Variants in NPC2 observed in about 807,000 individuals in gnomAD.
NPC2 encodes the protein NPC intracellular cholesterol transporter 2, also known as Niemann-Pick disease type C2 protein.
NPC2 carries 14 observed loss-of-function variants against 17.0 expected under a neutral mutation model. The observed-to-expected ratio is 0.82, with a 90% confidence interval of 0.54 to 1.29. The LOEUF is 1.29. Ranked by LOEUF, NPC2 falls within the 50% of genes most tolerant of loss-of-function variation. The probability of loss-of-function intolerance (pLI) is 0.00; values close to 1 mark genes in which losing one functional copy is unlikely to be tolerated. For synonymous variants in NPC2, 75 were observed against 69.3 expected (o/e 1.08, Z -0.41); for missense variants, 167 against 183.4 (o/e 0.91, Z 0.52).
intron 3 of NPC2, chr14:74,483,502 G>C (rs1490486915): frequency 6.4e-7 from 1 of 1,553,906 alleles, no homozygotes; most frequent in Admixed American, 1.8e-5. Context: ...CATGTCTGCT[G>C]CTCTAGGCCC....
chr14:74,488,244 C>A (rs769621668), intron 1 of NPC2, among the ~76,000 whole-genome samples: 1 of 152,204 alleles, frequency 6.6e-6, no homozygotes, highest in Non-Finnish European at 1.5e-5. Context: ...TATCTTCTAT[C>A]CAGATTTTGT....
chr14:74,485,408 A>G (rs2086702278), intron 2 of NPC2, among the ~76,000 whole-genome samples: 1 of 151,186 alleles, frequency 6.6e-6, no homozygotes, highest in South Asian at 2.1e-4. Flanking sequence ...GAATAAAGGT[A>G]TTAAAAAATG....
rs975711020 is a variant in NPC2, at chr14:74,486,554, C to G, written c.83-118G>C. On this transcript the variant is annotated intron_variant, in intron 1 of 4. Coordinates refer to ENST00000555619, the MANE Select transcript of NPC2 (RefSeq NM_006432.5). ...CCATTTAGGGTCAACTCATTCTCCTCGGACTGTTTCCCAGGATGGAATCTT... is the reference window on the plus strand; with the variant it reads ...CCATTTAGGGTCAACTCATTCTCCTGGGACTGTTTCCCAGGATGGAATCTT... The G allele has an allele frequency of 1.3e-5, 10 of 768,298 alleles. No homozygotes were observed. The African/African-American group carries it at 1.5e-4, about 12-fold the overall frequency. The allele number at this position is 768,298 out of a possible 1,614,324, so 47.6% of individuals were successfully genotyped here. A position where few individuals can be genotyped will look rare whatever the true frequency, so the allele number is the denominator to read the frequency against.
chr14:74,480,164 A>G lies in NPC2; in HGVS notation c.*110T>C, dbSNP rs754382232. On this transcript the variant is annotated 3_prime_UTR_variant, in exon 5 of 5. Coordinates refer to ENST00000555619, the MANE Select transcript of NPC2 (RefSeq NM_006432.5). Reference sequence around the variant, plus strand: ...CAGAGCACCTCCTCTTCAACGAATCACTGGATACCATTGGAGAGCAAGTCA... The same window carrying G: ...CAGAGCACCTCCTCTTCAACGAATCGCTGGATACCATTGGAGAGCAAGTCA... The G allele has an allele frequency of 3.1e-6, 5 of 1,610,470 alleles. No homozygotes were observed. The highest frequency in any genetic ancestry group is 4.2e-6 in the Non-Finnish European group (5 of 1,178,746).
intron 1 of NPC2, among the ~76,000 whole-genome samples, chr14:74,492,877 T>A (rs977403326): frequency 6.6e-6 from 1 of 152,178 alleles, no homozygotes; most frequent in African/African-American, 2.4e-5. Context: ...GCTCCACCCC[T>A]CCACCAGAGC....
At chr14:74,487,733 A>G (rs2086729022) in intron 1 of NPC2, among the ~76,000 whole-genome samples, 1 of 152,246 alleles carries the variant, frequency 6.6e-6, no homozygotes, top group African/African-American at 2.4e-5. Context: ...GCCAGATCCC[A>G]AAACAGACTG....
At position 74,480,159 on chromosome 14, in the gene NPC2, G is replaced by GA. The variant is rs2086640111; in HGVS notation, c.*114dup. 1.2e-6 allele frequency: 2 copies of GA among 1,607,634 alleles called. No homozygotes were observed. The highest frequency in any genetic ancestry group is 1.7e-6 in the Non-Finnish European group (2 of 1,177,544). On this transcript the variant is annotated 3_prime_UTR_variant, in exon 5 of 5. Transcript: ENST00000555619. Reference sequence around the variant, plus strand: ...TGCTACAGAGCACCTCCTCTTCAACGAATCACTGGATACCATTGGAGAGCA... The same window carrying GA: ...TGCTACAGAGCACCTCCTCTTCAACGAAATCACTGGATACCATTGGAGAGCA...
At chr14:74,490,491 A>G (rs1385950428) in intron 1 of NPC2, among the ~76,000 whole-genome samples, 1 of 152,222 alleles carries the variant, frequency 6.6e-6, no homozygotes, top group East Asian at 1.9e-4. Context: ...TCAATCAACA[A>G]TCTATTGAAA....
chr14:74,486,472 G>A, intron 1 of NPC2, 36 bp from the exon 2 acceptor site: 1 of 1,538,230 alleles, frequency 6.5e-7, no homozygotes, highest in Non-Finnish European at 8.8e-7. Context: ...AGGAGAATAG[G>A]AGGAGAAATA....
intron 2 of NPC2, among the ~76,000 whole-genome samples, chr14:74,485,294 C>CAAAAAAAAAAAAAAAAAAAAAAAAAAAAA (rs61395005): frequency 2.8e-5 from 2 of 71,332 alleles, no homozygotes; most frequent in African/African-American, 1.5e-4. Flanking sequence ...GACTCTGTCA[C>CAAAAAAAAAAAAAAAAAAAAAAAAAAAAA]AAAAAAAAAA....
At chr14:74,484,301 C>A (rs765716945) in intron 3 of NPC2, 114 bp downstream of exon 3, 168 of 1,157,078 alleles carry the variant, frequency 1.5e-4, no homozygotes, top group Non-Finnish European at 2.0e-4. Flanking sequence ...CGGGCTTCTT[C>A]TTCATCATAG....
At chr14:74,480,309 C>G in intron 4 of NPC2, 21 bp from the exon 5 acceptor site, 1 of 1,603,682 alleles carries the variant, frequency 6.2e-7, no homozygotes, top group Non-Finnish European at 8.5e-7. Flanking sequence ...AATGTCCCAG[C>G]TCAGTGGAAG....
chr14:74,480,183 C>G lies in NPC2; in HGVS notation c.*91G>C, dbSNP rs561161937. The stretch of plus-strand genomic sequence containing the variant: ...CGAATCACTGGATACCATTGGAGAG[C>G]AAGTCACTGTTGTTGAAGCAGCAGA... On this transcript the variant is annotated 3_prime_UTR_variant, in exon 5 of 5. Coordinates refer to ENST00000555619, the MANE Select transcript of NPC2 (RefSeq NM_006432.5). 6.2e-7 allele frequency: 1 copy of G among 1,613,204 alleles called. No individual in the cohort carries two copies. Among genetic ancestry groups the G allele is most frequent in the East Asian group, 2.2e-5 (1 of 44,866 alleles).
chr14:74,493,061 G>T lies in NPC2; in HGVS notation c.82+132C>A. On this transcript the variant is annotated intron_variant, in intron 1 of 4. Coordinates refer to ENST00000555619, the MANE Select transcript of NPC2 (RefSeq NM_006432.5). The surrounding 1 kb of genome is among the most constrained non-coding windows in gnomAD (Gnocchi z 4.1). ...TTCTCCCCCGACCCAGCCCATTCCA[G>T]TTAGGTAGGGTCCAAGGCTCAGCCT... is the stretch of plus-strand genomic sequence containing the variant. 8.7e-7 allele frequency: 1 copy of T among 1,151,946 alleles called. No homozygotes were observed. The highest frequency in any genetic ancestry group is 1.2e-6 in the Non-Finnish European group (1 of 817,660). The allele number at this position is 1,151,946 out of a possible 1,614,324, so 71.4% of individuals were successfully genotyped here. A position where few individuals can be genotyped will look rare whatever the true frequency, so the allele number is the denominator to read the frequency against.
Position 74,493,060 on chromosome 14 carries a change from A to T in NPC2, c.82+133T>A. Reference sequence around the variant, plus strand: ...CTTCTCCCCCGACCCAGCCCATTCCAGTTAGGTAGGGTCCAAGGCTCAGCC... The same window carrying T: ...CTTCTCCCCCGACCCAGCCCATTCCTGTTAGGTAGGGTCCAAGGCTCAGCC... On this transcript the variant is annotated intron_variant, in intron 1 of 4. Coordinates refer to ENST00000555619, the MANE Select transcript of NPC2 (RefSeq NM_006432.5). This position sits in a 1 kb window ranked among gnomAD's most constrained non-coding sequence, Gnocchi z 4.1. 8.9e-7 allele frequency: 1 copy of T among 1,121,374 alleles called. No individual in the cohort carries two copies. The highest frequency in any genetic ancestry group is 1.3e-6 in the Non-Finnish European group (1 of 792,116). 69.5% of individuals were successfully genotyped at this position (1,121,374 alleles called of 1,614,324 possible).
chr14:74,482,308 T>C (rs1489346230), intron 3 of NPC2, among the ~76,000 whole-genome samples: 2 of 152,248 alleles, frequency 1.3e-5, no homozygotes, highest in African/African-American at 4.8e-5. Context: ...GAGTTCTACT[T>C]GATTTCAAGA....
intron 1 of NPC2, among the ~76,000 whole-genome samples, chr14:74,489,514 T>G (rs1441418022): frequency 6.7e-6 from 1 of 149,978 alleles, no homozygotes; most frequent in Admixed American, 6.7e-5. Flanking sequence ...TACTCGATTT[T>G]GGGAACCTGC....
rs1479784946 is a variant in NPC2 at position 74,483,581 on chromosome 14, A to G, written c.363+834T>C. On this transcript the variant is annotated intron_variant, in intron 3 of 4. Transcript: ENST00000555619. ...TATTGCCTAATTGGAAAGTGCCAGC[A>G]TTCCAGACTTCAAAAAATAAATTTG... 6 of 1,283,624 alleles carry G rather than the reference A, an allele frequency of 4.7e-6. No homozygotes were observed. In the African/African-American group the frequency reaches 6.0e-5, roughly 13 times the overall value. The allele number at this position is 1,283,624 out of a possible 1,614,324, so 79.5% of individuals were successfully genotyped here.
At chr14:74,483,759 T>C (rs1462429495) in intron 3 of NPC2, among the ~76,000 whole-genome samples, 1 of 152,250 alleles carries the variant, frequency 6.6e-6, no homozygotes, top group Non-Finnish European at 1.5e-5. Flanking sequence ...AATATGATTA[T>C]ACAAAAGAGC....
Sources: gnomAD v4.1 joint callset for allele counts (sites outside exome capture counted in the v4.1 genomes callset) on GRCh38, gnomAD v4.1.1 for gene constraint, Gnocchi (gnomAD v3.1) non-coding constraint, MANE v1.5 for transcripts, NCBI Gene and HGNC (gene_info 2026-07-23, HGNC 2026-07-21) for gene names.